Variants in NRG3 observed in about 807,000 individuals in gnomAD.
NRG3 encodes pro-neuregulin-3, membrane-bound isoform.
A neutral mutation model predicts 66.9 loss-of-function variants in NRG3; 31 were observed. The ratio of observed to expected loss-of-function variants is 0.46; its 90% CI spans 0.35 to 0.63. The LOEUF (loss-of-function observed/expected upper bound fraction) is 0.63, where lower values mean the gene tolerates loss of function less well. NRG3 is among the 20% of genes least tolerant of loss of function. NRG3 has a pLI of 0.00. For synonymous variants in NRG3, 393 were observed against 359.4 expected, an observed-to-expected ratio of 1.09 and a Z score of -1.06; for missense variants, 910 against 878.9, an observed-to-expected ratio of 1.04 and a Z score of -0.45.
intron 1 of NRG3, among the ~76,000 whole-genome samples, chr10:82,326,992 G>GT (rs2081906015): frequency 6.6e-6 from 1 of 152,200 alleles, no homozygotes; most frequent in South Asian, 2.1e-4. Context: ...GTAAAGGCTA[G>GT]TATCATTAAA....
chr10:82,138,704 T>G (rs1470072536), intron 1 of NRG3, among the ~76,000 whole-genome samples: 1 of 152,142 alleles, frequency 6.6e-6, no homozygotes, highest in Non-Finnish European at 1.5e-5. Context: ...AAGCCTACAG[T>G]GCAGTCTTCA....
chr10:82,985,596 G>A lies in NRG3; in HGVS notation c.2082G>A (p.Leu694=). ...ATGAAATACAAAGAGACTCTGCATT[G>A]ACCAAGTGACTTGAGATGTAGGAAT... The part of the protein sequence containing the change: ...LRNEIQRDSA[L]TK Residue 694 remains leucine, a synonymous_variant, in exon 9 of 9, where the codon TTG becomes TTA. Transcript: ENST00000372141. The A allele has an allele frequency of 6.2e-7, 1 of 1,610,330 alleles. No individual in the cohort carries two copies. Among genetic ancestry groups the A allele is most frequent in the South Asian group, 1.1e-5 (1 of 90,834 alleles).
chr10:82,463,882 A>T (rs1397642836), intron 2 of NRG3, among the ~76,000 whole-genome samples: 1 of 152,220 alleles, frequency 6.6e-6, no homozygotes, highest in East Asian at 1.9e-4. Flanking sequence ...TGGCTCTGAG[A>T]GGTGACACTG....
intron 1 of NRG3, among the ~76,000 whole-genome samples, chr10:82,109,337 C>A (rs2067240519): frequency 6.6e-6 from 1 of 152,056 alleles, no homozygotes; most frequent in South Asian, 2.1e-4. Flanking sequence ...AAATTAAGTT[C>A]CAGATTTTGC....
At chr10:82,924,807 C>T (rs1352624749) in intron 4 of NRG3, among the ~76,000 whole-genome samples, 1 of 152,122 alleles carries the variant, frequency 6.6e-6, no homozygotes, top group African/African-American at 2.4e-5. Flanking sequence ...CATGGACACC[C>T]CAGCTTTTCA....
At chr10:82,968,639 G>A (rs1463597703) in intron 6 of NRG3, among the ~76,000 whole-genome samples, 1 of 151,144 alleles carries the variant, frequency 6.6e-6, no homozygotes, top group African/African-American at 2.4e-5. Context: ...TTTTTGACAA[G>A]GAAGGAAGGG....
chr10:82,068,302 T>TG (rs1374226864), intron 1 of NRG3, among the ~76,000 whole-genome samples: 1 of 152,242 alleles, frequency 6.6e-6, no homozygotes, highest in African/African-American at 2.4e-5. Context: ...AGAAGCCTGA[T>TG]GACAGTAGCA....
intron 2 of NRG3, among the ~76,000 whole-genome samples, chr10:82,616,165 G>T (rs1447366136): frequency 6.6e-6 from 1 of 152,054 alleles, no homozygotes; most frequent in African/African-American, 2.4e-5. Context: ...ACTGGAAACC[G>T]TTTGCACTCA....
At chr10:81,986,678 T>C (rs1272510271) in intron 1 of NRG3, among the ~76,000 whole-genome samples, 1 of 152,192 alleles carries the variant, frequency 6.6e-6, no homozygotes, top group Non-Finnish European at 1.5e-5. Context: ...AATGTCTTAT[T>C]CATTTGAATT....
At chr10:82,704,871 AGTT>A (rs2056169305) in intron 2 of NRG3, among the ~76,000 whole-genome samples, 1 of 152,216 alleles carries the variant, frequency 6.6e-6, no homozygotes, top group Admixed American at 6.5e-5. Context: ...TCAATTTTAT[AGTT>A]GTTTAAAATC....
chr10:82,623,494 C>A (rs1050669983), intron 2 of NRG3, among the ~76,000 whole-genome samples: 1 of 152,150 alleles, frequency 6.6e-6, no homozygotes, highest in African/African-American at 2.4e-5. Context: ...ATTCATCCAT[C>A]CCACACTTTG....
intron 2 of NRG3, among the ~76,000 whole-genome samples, chr10:82,724,683 C>G (rs1432977454): frequency 6.6e-6 from 1 of 152,192 alleles, no homozygotes; most frequent in Non-Finnish European, 1.5e-5. Context: ...TCTGTGATGT[C>G]TGCAAACAGA....
intron 1 of NRG3, among the ~76,000 whole-genome samples, chr10:82,321,960 A>G (rs534202234): frequency 6.6e-6 from 1 of 152,332 alleles, no homozygotes; most frequent in African/African-American, 2.4e-5. Context: ...TGGCATGATG[A>G]GGTCAATGAC....
At chr10:82,842,972 A>G (rs1159727294) in intron 3 of NRG3, among the ~76,000 whole-genome samples, 1 of 152,244 alleles carries the variant, frequency 6.6e-6, no homozygotes, top group African/African-American at 2.4e-5. Flanking sequence ...ACAATAACTT[A>G]TGATAAGATA....
chr10:82,062,279 G>T (rs2064198646), intron 1 of NRG3, among the ~76,000 whole-genome samples: 1 of 152,106 alleles, frequency 6.6e-6, no homozygotes, highest in Admixed American at 6.6e-5. Context: ...GAGCAGATTG[G>T]ATTTCTGGGA....
At chr10:82,525,943 T>C (rs1590488083) in intron 2 of NRG3, among the ~76,000 whole-genome samples, 1 of 152,000 alleles carries the variant, frequency 6.6e-6, no homozygotes, top group East Asian at 1.9e-4. Flanking sequence ...ATGAATTAAA[T>C]GGCAGATTAG....
At chr10:82,376,094 A>G (rs936748709) in intron 2 of NRG3, among the ~76,000 whole-genome samples, 1 of 152,106 alleles carries the variant, frequency 6.6e-6, no homozygotes, top group African/African-American at 2.4e-5. Context: ...ATTCTGTTTC[A>G]GTAGGTCTGG....
chr10:82,783,740 C>T (rs1261558581), intron 3 of NRG3, among the ~76,000 whole-genome samples: 5 of 152,138 alleles, frequency 3.3e-5, no homozygotes, highest in African/African-American at 7.2e-5. Context: ...ATTCCATGCT[C>T]GTGGGTAGGA....
chr10:82,745,888 T>C (rs976366783), intron 3 of NRG3, among the ~76,000 whole-genome samples: 4 of 152,156 alleles, frequency 2.6e-5, no homozygotes, highest in Non-Finnish European at 4.4e-5. Flanking sequence ...GTATTCATTT[T>C]TATTTGTTTG....
Sources: gnomAD v4.1 joint callset for allele counts (sites outside exome capture counted in the v4.1 genomes callset) on GRCh38, gnomAD v4.1.1 for gene constraint, MANE v1.5 for transcripts, NCBI Gene and HGNC (gene_info 2026-07-23, HGNC 2026-07-21) for gene names.